The following DENND4C variants were observed in gnomAD, a reference collection of about 807,000 sequenced individuals.
DENND4C encodes the protein DENN domain-containing protein 4C.
Under a neutral mutation model 203.0 loss-of-function variants are expected in DENND4C, and 108 were observed. The ratio of observed to expected loss-of-function variants is 0.53; its 90% CI spans 0.46 to 0.62. DENND4C has a LOEUF of 0.62. DENND4C is among the 20% of genes least tolerant of loss of function. The pLI is 0.00. For synonymous variants in DENND4C, 871 were observed against 792.4 expected (o/e 1.10, Z -1.67); for missense variants, 2,481 against 2,301.2 (o/e 1.08, Z -1.60).
chr9:19,345,290 C>G (rs1822609677), intron 22 of DENND4C, among the ~76,000 whole-genome samples: 1 of 152,198 alleles, frequency 6.6e-6, no homozygotes. Flanking sequence ...ATAAGACTGA[C>G]TTCTGTGAAG....
intron 2 of DENND4C, among the ~76,000 whole-genome samples, chr9:19,285,756 C>T (rs1022894533): frequency 2.0e-5 from 3 of 151,992 alleles, no homozygotes; most frequent in African/African-American, 4.8e-5. Flanking sequence ...GGAAGGGGTC[C>T]AGCTTCATGC....
intron 1 of DENND4C, among the ~76,000 whole-genome samples, chr9:19,249,634 A>G (rs1826077839): frequency 1.3e-5 from 2 of 152,212 alleles, no homozygotes; most frequent in Non-Finnish European, 2.9e-5. Flanking sequence ...TGAATAATCC[A>G]AGCAAAAAAG....
At chr9:19,283,856 A>G (rs887902691) in intron 2 of DENND4C, among the ~76,000 whole-genome samples, 1 of 151,902 alleles carries the variant, frequency 6.6e-6, no homozygotes, top group Non-Finnish European at 1.5e-5. Flanking sequence ...CTGTCTCCCA[A>G]AGTGCTGGGA....
chr9:19,230,734 C>CGCCCT lies in DENND4C; in HGVS notation c.-108_-104dup, dbSNP rs1351808929. The CGCCCT allele has an allele frequency of 6.6e-6, 1 of 152,216 alleles. No individual in the cohort carries two copies. The highest frequency in any genetic ancestry group is 2.4e-5 in the African/African-American group (1 of 41,448). The allele number at this position is 152,216 out of a possible 1,614,324, so 9.4% of individuals were successfully genotyped here. A position where few individuals can be genotyped will look rare whatever the true frequency, so the allele number is the denominator to read the frequency against. Reference sequence around the variant, plus strand: ...GCGGCGGCCGCTGGAGCTAGTCCCCCGCCCTGCCCTGCCGAGCGCGCCCAG... The same window carrying CGCCCT: ...GCGGCGGCCGCTGGAGCTAGTCCCCCGCCCTGCCCTGCCCTGCCGAGCGCGCCCAG... On this transcript the variant is annotated 5_prime_UTR_variant, in exon 1 of 33. Coordinates refer to ENST00000434457, the MANE Select transcript of DENND4C (RefSeq NM_001330640.2).
chr9:19,362,046 G>A, intron 30 of DENND4C, 83 bp downstream of exon 30: 2 of 759,102 alleles, frequency 2.6e-6, no homozygotes, highest in African/African-American at 1.8e-5. Context: ...GGCCTAGGCT[G>A]GCGGACCACT....
chr9:19,240,182 G>A (rs1310751865), intron 1 of DENND4C, among the ~76,000 whole-genome samples: 1 of 152,096 alleles, frequency 6.6e-6, no homozygotes, highest in Non-Finnish European at 1.5e-5. Context: ...TATTGTGCAA[G>A]CATCATATAG....
intron 25 of DENND4C, 96 bp downstream of exon 25, chr9:19,352,278 A>G: frequency 2.5e-6 from 3 of 1,194,060 alleles, no homozygotes; most frequent in East Asian, 2.5e-5. Context: ...CCTTGTGGAC[A>G]GTATAATAAA....
intron 2 of DENND4C, among the ~76,000 whole-genome samples, chr9:19,277,748 A>G (rs1833172478): frequency 6.6e-6 from 1 of 152,162 alleles, no homozygotes; most frequent in Non-Finnish European, 1.5e-5. Context: ...TTTAGGTGGA[A>G]AGCTTTCAGT....
chr9:19,262,167 A>C (rs1024739977), intron 1 of DENND4C, among the ~76,000 whole-genome samples: 1 of 133,248 alleles, frequency 7.5e-6, no homozygotes, highest in Admixed American at 9.3e-5. Context: ...GCTTACTGCA[A>C]CCTCCACCTC....
At chr9:19,269,327 A>G (rs956065833) in intron 1 of DENND4C, among the ~76,000 whole-genome samples, 7 of 151,850 alleles carry the variant, frequency 4.6e-5, no homozygotes, top group African/African-American at 1.7e-4. Flanking sequence ...TGCCCGGCTA[A>G]TTTGTATTTT....
At chr9:19,319,211 G>GTATATA (rs1458640868) in intron 12 of DENND4C, among the ~76,000 whole-genome samples, 1 of 140,394 alleles carries the variant, frequency 7.1e-6, no homozygotes, top group Non-Finnish European at 1.5e-5. Flanking sequence ...ACACATATAT[G>GTATATA]TATATATATA....
At chr9:19,360,957 T>C (rs773321935) in intron 29 of DENND4C, among the ~76,000 whole-genome samples, 2 of 152,184 alleles carry the variant, frequency 1.3e-5, no homozygotes, top group Non-Finnish European at 2.9e-5. Flanking sequence ...CATTGCAGCC[T>C]CCTTTTTCTG....
intron 17 of DENND4C, among the ~76,000 whole-genome samples, chr9:19,333,262 C>G (rs1036350783): frequency 1.3e-5 from 2 of 152,100 alleles, no homozygotes; most frequent in African/African-American, 4.8e-5. Context: ...AGCCATCCTT[C>G]TACTTGGCCT....
Position 19,301,610 on chromosome 9 carries a change from A to G in DENND4C, c.1311+1279A>G, listed in dbSNP as rs542946767. ...GAAAGCAAAAGTTGTTAGAATATGA[A>G]AATATTTGTTAATGAACTGACCAGT... is the stretch of plus-strand genomic sequence containing the variant. On this transcript the variant is annotated intron_variant, in intron 9 of 32. Coordinates refer to ENST00000434457, the MANE Select transcript of DENND4C (RefSeq NM_001330640.2). Among the ~76,000 whole-genome samples the G allele has an allele frequency of 4.6e-5, 7 of 152,308 alleles. No individual in the cohort carries two copies. The South Asian group carries it at 1.2e-3, about 27-fold the overall frequency.
At chr9:19,238,243 C>A (rs10964061) in intron 1 of DENND4C, among the ~76,000 whole-genome samples, 7 of 151,206 alleles carry the variant, frequency 4.6e-5, no homozygotes, top group Non-Finnish European at 1.0e-4. Flanking sequence ...CCACCATGCC[C>A]GGCTAATATT....
At chr9:19,274,419 C>A (rs1832430725) in intron 1 of DENND4C, among the ~76,000 whole-genome samples, 1 of 152,114 alleles carries the variant, frequency 6.6e-6, no homozygotes, top group South Asian at 2.1e-4. Flanking sequence ...CCTCAGACTC[C>A]TGAGTAGCTG....
intron 10 of DENND4C, among the ~76,000 whole-genome samples, chr9:19,309,572 C>CT (rs902264006): frequency 9.3e-5 from 14 of 150,874 alleles, no homozygotes; most frequent in South Asian, 6.3e-4. Context: ...TGGTATGAGA[C>CT]TTTTTTTTTG....
At chr9:19,235,916 A>G (rs967699981) in intron 1 of DENND4C, among the ~76,000 whole-genome samples, 2 of 151,748 alleles carry the variant, frequency 1.3e-5, no homozygotes, top group Non-Finnish European at 2.9e-5. Flanking sequence ...CATCTTATAT[A>G]TCTTTGTAAT....
intron 1 of DENND4C, among the ~76,000 whole-genome samples, chr9:19,269,412 G>T (rs1831173722): frequency 6.6e-6 from 1 of 152,138 alleles, no homozygotes. Context: ...GCCCGTCTCG[G>T]CCTCCCAAAA....
Sources: allele counts gnomAD v4.1 joint callset (sites outside exome capture counted in the v4.1 genomes callset), GRCh38; gene constraint gnomAD v4.1.1; transcripts MANE v1.5; gene names NCBI Gene and HGNC (gene_info 2026-07-23, HGNC 2026-07-21).